Variants in UBR4 observed in about 807,000 individuals in gnomAD.
UBR4 encodes ubiquitin protein ligase E3 component n-recognin 4.
UBR4 carries 124 observed loss-of-function variants against 575.6 expected under a neutral mutation model. The observed-to-expected ratio is 0.22, with a 90% CI of 0.19 to 0.25. UBR4 has a LOEUF of 0.25. Ranked by LOEUF, UBR4 falls within the 10% of genes least tolerant of loss-of-function variation. The pLI, the probability that UBR4 is intolerant of heterozygous loss-of-function variation, is 1.00. For missense variants in UBR4, 4,818 were observed against 6,478.8 expected (o/e 0.74, Z 8.80); for synonymous variants, 2,455 against 2,473.7 (o/e 0.99, Z 0.22).
chr1:19,096,252 T>C (rs1198428466), intron 92 of UBR4, among the ~76,000 whole-genome samples: 2 of 152,158 alleles, frequency 1.3e-5, no homozygotes, highest in South Asian at 2.1e-4. Context: ...ACAACAATGA[T>C]AATAGTTAAC....
rs1447922584 is a variant in UBR4 at position 19,151,733 on chromosome 1, T to G, written c.7123A>C (p.Met2375Leu). 6 of 1,614,060 alleles carry G rather than the reference T, an allele frequency of 3.7e-6. No individual in the cohort carries two copies. Among genetic ancestry groups the G allele is most frequent in the Non-Finnish European group, 5.1e-6 (6 of 1,180,028 alleles). ...CGTGAGCGACTCAGGTTGAGCTGCA[T>G]AGTTCTGCCGAAGATCTCGATATAT... ...PSYIEIFGRT[M>L]QLNLSRSRWF... The change falls in exon 48 of 106, where the codon ATG becomes CTG. Residue 2375 changes from methionine (M) to leucine (L), a missense_variant. By Grantham distance (15) the Met-to-Leu change is conservative. Transcript: ENST00000375254.
chr1:19,193,541 C>T lies in UBR4; in HGVS notation c.1035G>A (p.Thr345=), dbSNP rs778493584. 50 of 1,613,754 alleles carry T rather than the reference C, an allele frequency of 3.1e-5. No homozygotes were observed. Among genetic ancestry groups the T allele is most frequent in the Non-Finnish European group, 4.0e-5 (47 of 1,179,878 alleles). The change falls in exon 9 of 106, where the codon ACG becomes ACA. Residue 345 remains threonine (T), a synonymous_variant. Transcript: ENST00000375254. ...TACCCACATGGAGGATGGCCATGCACGTTGCCACACTCACACCTGAAAAAG... is the reference window on the plus strand; with the variant it reads ...TACCCACATGGAGGATGGCCATGCATGTTGCCACACTCACACCTGAAAAAG... ...SCLYAGVSVA[T]CMAILHVGSA...
In UBR4 at chr1:19,157,708, G is replaced by T. The variant is rs2086648747; in HGVS notation, c.5760+107C>A. ...CCCTGAAGCATTCTTAGAACGCAGT[G>T]GACTTTTTCCCACAGAGGGCTAATC... On this transcript the variant is annotated intron_variant, in intron 40 of 105. Transcript: ENST00000375254. The surrounding 1 kb of genome is among the most constrained non-coding windows in gnomAD (Gnocchi z 4.4). 2.1e-6 allele frequency: 3 copies of T among 1,404,424 alleles called. No homozygotes were observed. The highest frequency in any genetic ancestry group is 2.4e-5 in the East Asian group (1 of 42,424). 87.0% of individuals were successfully genotyped at this position (1,404,424 alleles called of 1,614,324 possible). A position where few individuals can be genotyped will look rare whatever the true frequency, so the allele number is the denominator to read the frequency against.
intron 8 of UBR4, among the ~76,000 whole-genome samples, chr1:19,194,619 T>C (rs2092336224): frequency 6.6e-6 from 1 of 151,926 alleles, no homozygotes; most frequent in African/African-American, 2.4e-5. Context: ...CTCGCCAACA[T>C]GGTGAAACCC....
chr1:19,151,596 C>T (rs532714613), intron 48 of UBR4, 47 bp downstream of exon 48: 40 of 1,599,314 alleles, frequency 2.5e-5, no homozygotes, highest in Admixed American at 3.3e-5. Context: ...CTCCCAATTT[C>T]GCAGTCACAA....
rs2076494004 is a variant in UBR4, at chr1:19,081,421, G to A, written c.15161C>T (p.Thr5054Ile). ...CAGCCTCCGCAAGATTTCCACACGTGTGGCTCTCCACTGCTCAGGGGGCAG... is the reference window on the plus strand; with the variant it reads ...CAGCCTCCGCAAGATTTCCACACGTATGGCTCTCCACTGCTCAGGGGGCAG... ...HILPPEQWRATRVEILRRLLV... is the reference protein window; with the variant it reads ...HILPPEQWRAIRVEILRRLLV... The change falls in exon 103 of 106, where the codon ACA (threonine) becomes ATA (isoleucine). Residue 5054 changes from threonine (T) to isoleucine (I), a missense_variant. Around this residue, in one of 29 missense-constraint regions of UBR4, gnomAD observed 212 missense variants for 221.3 expected, o/e 0.96. Transcript: ENST00000375254. The A allele has an allele frequency of 6.2e-7, 1 of 1,614,012 alleles. No homozygotes were observed. The highest frequency in any genetic ancestry group is 8.5e-7 in the Non-Finnish European group (1 of 1,179,992).
At chr1:19,147,810 G>C (rs1488976008) in intron 51 of UBR4, among the ~76,000 whole-genome samples, 183 bp downstream of exon 51, 2 of 152,186 alleles carry the variant, frequency 1.3e-5, no homozygotes, top group Non-Finnish European at 2.9e-5. Flanking sequence ...CCAGTCACTG[G>C]CTTACCCTCG....
intron 55 of UBR4, among the ~76,000 whole-genome samples, chr1:19,143,243 GAAGGAAGGAAGGAAGGAAGAAAGA>G (rs1286587037): frequency 1.9e-4 from 25 of 131,500 alleles, no homozygotes; most frequent in African/African-American, 6.1e-4. Flanking sequence ...AGGCAGGAAG[GAAGGAAGGAAGGAAGGAAGAAAGA>G]AAGAAAGAAA....
At chr1:19,178,219 C>G (rs934486830) in intron 18 of UBR4, among the ~76,000 whole-genome samples, 2 of 151,884 alleles carry the variant, frequency 1.3e-5, no homozygotes, top group African/African-American at 4.8e-5. Flanking sequence ...TGATAATAGT[C>G]AAAAATAACT....
chr1:19,094,831 A>T, intron 94 of UBR4, 75 bp downstream of exon 94: 1 of 1,573,190 alleles, frequency 6.4e-7, no homozygotes, highest in Non-Finnish European at 8.6e-7. Flanking sequence ...AGCCAGACAC[A>T]AACAGGCCTG....
chr1:19,126,420 T>A, intron 64 of UBR4, 26 bp downstream of exon 64: 1 of 1,613,664 alleles, frequency 6.2e-7, no homozygotes, highest in Non-Finnish European at 8.5e-7. Context: ...AGGACGAGTG[T>A]TTCTTTGATG....
chr1:19,190,312 A>AAAAAAAAAAAAT, intron 11 of UBR4, among the ~76,000 whole-genome samples: 2 of 79,920 alleles, frequency 2.5e-5, no homozygotes, highest in Non-Finnish European at 4.6e-5. Flanking sequence ...AAAAAAAAAA[A>AAAAAAAAAAAAT]ATATATATAT....
At chr1:19,127,861 C>T (rs1307155336) in intron 62 of UBR4, 122 bp from the exon 63 acceptor site, 2 of 771,332 alleles carry the variant, frequency 2.6e-6, no homozygotes, top group African/African-American at 3.5e-5. Flanking sequence ...GAATCAGACA[C>T]AAAACAACCC....
Position 19,167,050 on chromosome 1 carries a change from TGTTGTAACAACCA to T in UBR4, c.4068_4080del (p.Gly1357PhefsTer51). On this transcript the variant is annotated frameshift_variant, in exon 29 of 106. Coordinates refer to ENST00000375254, the MANE Select transcript of UBR4 (RefSeq NM_020765.3). LOFTEE classifies it high-confidence loss of function. The stretch of plus-strand genomic sequence containing the variant: ...TTAGGATCTGCATGATTGGCCAGAA[TGTTGTAACAACCA>T]GTGATCAGCTTCTCATAAACACGAG... The T allele has an allele frequency of 6.2e-7, 1 of 1,614,238 alleles. No individual in the cohort carries two copies. The highest frequency in any genetic ancestry group is 8.5e-7 in the Non-Finnish European group (1 of 1,180,034).
chr1:19,127,436 G>C (rs988948254), intron 63 of UBR4, among the ~76,000 whole-genome samples, 187 bp downstream of exon 63: 1 of 152,180 alleles, frequency 6.6e-6, no homozygotes, highest in African/African-American at 2.4e-5. Context: ...CCAAAGACCA[G>C]AGCTTGGAAG....
In UBR4 at chr1:19,152,210, A is replaced by ACT; in HGVS notation, c.6996+102_6996+103insAG. Reference sequence around the variant, plus strand: ...ACTAGAACCGAGGGTTGTGACTGTGAGTATATACTCTATACTTGCTTTCTA... The same window carrying ACT: ...ACTAGAACCGAGGGTTGTGACTGTGACTGTATATACTCTATACTTGCTTTCTA... On this transcript the variant is annotated intron_variant, in intron 47 of 105. Coordinates refer to ENST00000375254, the MANE Select transcript of UBR4 (RefSeq NM_020765.3). This position sits in a 1 kb window ranked among gnomAD's most constrained non-coding sequence, Gnocchi z 4.4. 1 of 1,460,232 alleles carries ACT rather than the reference A, an allele frequency of 6.8e-7. No homozygotes were observed. Among genetic ancestry groups the ACT allele is most frequent in the Non-Finnish European group, 9.3e-7 (1 of 1,071,150 alleles). The allele number at this position is 1,460,232 out of a possible 1,614,324, so 90.5% of individuals were successfully genotyped here.
chr1:19,154,892 G>A lies in UBR4; in HGVS notation c.6458+26C>T, dbSNP rs752538833. ...CACATTGAATGTGGACATTGCGGAA[G>A]TTGAACATTAAATGTTCATTCCCAC... On this transcript the variant is annotated intron_variant, in intron 44 of 105. Transcript: ENST00000375254. The A allele has an allele frequency of 5.6e-6, 9 of 1,613,418 alleles. No homozygotes were observed. The South Asian group carries it at 7.7e-5, about 14-fold the overall frequency.
At position 19,150,288 on chromosome 1, in the gene UBR4, T is replaced by C. The variant is rs758959250; in HGVS notation, c.7430+289A>G. ...CTAATCTAGAATACTGGCTTGAGCA[T>C]CGTCTAGCCTGTGGCCTCTGGCTAC... is the stretch of plus-strand genomic sequence containing the variant. On this transcript the variant is annotated intron_variant, in intron 49 of 105. Transcript: ENST00000375254. Among the ~76,000 whole-genome samples, 275 of 152,300 alleles carry C rather than the reference T, an allele frequency of 1.8e-3. 2 individuals carry two copies. Among genetic ancestry groups the C allele is most frequent in the Non-Finnish European group, 1.3e-3 (89 of 68,016 alleles).
intron 33 of UBR4, 109 bp downstream of exon 33, chr1:19,164,144 G>T: frequency 7.6e-7 from 1 of 1,322,694 alleles, no homozygotes; most frequent in Non-Finnish European, 1.0e-6. Context: ...AAACTCCAAT[G>T]AAAGGGTAGA....
Sources: gnomAD v4.1 joint callset for allele counts (sites outside exome capture counted in the v4.1 genomes callset) on GRCh38, gnomAD v4.1.1 for gene constraint, gnomAD v4.1.1 regional missense constraint, Gnocchi (gnomAD v3.1) non-coding constraint, MANE v1.5 for transcripts, NCBI Gene and HGNC (gene_info 2026-07-23, HGNC 2026-07-21) for gene names.